SHPK: variants seen among roughly 807,000 people sequenced by gnomAD.
The protein encoded by SHPK is carbohydrate kinase-like protein.
A neutral mutation model predicts 46.3 loss-of-function variants in SHPK; 51 were observed. That is an observed-to-expected ratio of 1.10 (90% CI 0.88 to 1.39). SHPK has a LOEUF of 1.39. SHPK is among the 40% of genes most tolerant of loss of function. The pLI is 0.00. For synonymous variants in SHPK, 290 were observed against 273.9 expected (o/e 1.06, Z -0.58); for missense variants, 668 against 641.3 (o/e 1.04, Z -0.45).
chr17:3,631,559 A>C (rs1251887181), intron 1 of SHPK, among the ~76,000 whole-genome samples: 1 of 100,748 alleles, frequency 9.9e-6, no homozygotes, highest in African/African-American at 4.1e-5. Flanking sequence ...GTCTCTCTCT[A>C]TTGCTCAGGC....
In SHPK at chr17:3,624,140, G is replaced by A. The variant is rs769694025; in HGVS notation, c.402C>T (p.Ser134=). Residue 134 remains serine (S), a synonymous_variant, in exon 3 of 7, where the codon AGC becomes AGT. Transcript: ENST00000225519. ...LVTWQDGRCS[S]EFLASLPQPK... ...GCTGGGGCAGAGAGGCCAGGAATTC[G>A]CTGCTACATCGGCCATCCTGCCACG... 12 of 1,614,030 alleles carry A rather than the reference G, an allele frequency of 7.4e-6. No homozygotes were observed. The highest frequency in any genetic ancestry group is 6.7e-5 in the East Asian group (3 of 44,902).
rs941384180 is a variant in SHPK, at chr17:3,630,093, C to T, written c.310+112G>A. ...TATTCGTCCACTCCAAGAAACAAGACCCTATTCCCACTGCAGGATAACCCG... is the reference window on the plus strand; with the variant it reads ...TATTCGTCCACTCCAAGAAACAAGATCCTATTCCCACTGCAGGATAACCCG... On this transcript the variant is annotated intron_variant, in intron 2 of 6. Coordinates refer to ENST00000225519, the MANE Select transcript of SHPK (RefSeq NM_013276.4). 4 of 1,343,586 alleles carry T rather than the reference C, an allele frequency of 3.0e-6. No homozygotes were observed. The South Asian group carries it at 4.7e-5, about 16-fold the overall frequency. 83.2% of individuals were successfully genotyped at this position (1,343,586 alleles called of 1,614,324 possible).
Position 3,610,888 on chromosome 17 carries a change from G to A in SHPK, c.1109C>T (p.Pro370Leu), listed in dbSNP as rs768397739. ...QQRDTHLTIT[P>L]TVLGERHLPD... ...CAGGTGCCTCTCCCCCAGCACTGTC[G>A]GGGTGATGGTCAGGTGGGTATCTCT... Residue 370 changes from proline (P) to leucine (L), a missense_variant, in exon 7 of 7, where the codon CCG (proline) becomes CTG (leucine). Transcript: ENST00000225519. The A allele has an allele frequency of 3.2e-5, 52 of 1,613,844 alleles. No individual in the cohort carries two copies. Among genetic ancestry groups the A allele is most frequent in the Non-Finnish European group, 4.0e-5 (47 of 1,179,984 alleles).
chr17:3,635,931 G>A, intron 1 of SHPK, 121 bp downstream of exon 1: 1 of 1,012,152 alleles, frequency 9.9e-7, no homozygotes, highest in South Asian at 1.7e-5. Context: ...CCCTGGAGAA[G>A]CTGGGGACAA....
chr17:3,635,304 C>G (rs1445498525), intron 1 of SHPK, among the ~76,000 whole-genome samples: 1 of 151,114 alleles, frequency 6.6e-6, no homozygotes, highest in Non-Finnish European at 1.5e-5. Context: ...GGAGCGATCT[C>G]GACTCACTGC....
Position 3,610,316 on chromosome 17 carries a change from T to G in SHPK, c.*244A>C. On this transcript the variant is annotated 3_prime_UTR_variant, in exon 7 of 7. Coordinates refer to ENST00000225519, the MANE Select transcript of SHPK (RefSeq NM_013276.4). ...ATGCTCTCTCTCTCCCACATGGACA[T>G]TTGTAAATAGCTCCCAGGTGGGTCA... 1.0e-5 allele frequency: 5 copies of G among 495,996 alleles called. No individual in the cohort carries two copies. The highest frequency in any genetic ancestry group is 3.4e-5 in the East Asian group (1 of 29,372). The allele number at this position is 495,996 out of a possible 1,614,324, so 30.7% of individuals were successfully genotyped here.
intron 2 of SHPK, among the ~76,000 whole-genome samples, chr17:3,626,958 C>T (rs1292443410): frequency 6.6e-6 from 1 of 152,108 alleles, no homozygotes; most frequent in East Asian, 1.9e-4. Context: ...CTCGACATTA[C>T]GGAACATTTT....
chr17:3,619,312 G>C, intron 5 of SHPK: 1 of 1,022,684 alleles, frequency 9.8e-7, no homozygotes, highest in Non-Finnish European at 1.5e-6. Flanking sequence ...CTTTTGATCA[G>C]TCCACCACAG....
intron 5 of SHPK, among the ~76,000 whole-genome samples, chr17:3,618,180 C>T (rs2075379186): frequency 6.6e-6 from 1 of 152,086 alleles, no homozygotes; most frequent in Non-Finnish European, 1.5e-5. Context: ...GATCTCAGCT[C>T]ACAGCAACTT....
chr17:3,629,987 G>A (rs2075460476), intron 2 of SHPK, among the ~76,000 whole-genome samples: 1 of 152,128 alleles, frequency 6.6e-6, no homozygotes, highest in Admixed American at 6.6e-5. Flanking sequence ...CGTGGATAAC[G>A]TGCTGATGAT....
At chr17:3,624,357 A>G (rs1424507642) in intron 2 of SHPK, 126 bp from the exon 3 acceptor site, 11 of 865,222 alleles carry the variant, frequency 1.3e-5, no homozygotes, top group African/African-American at 1.7e-5. Context: ...AGCCTGGCAC[A>G]CCTATGGGTC....
chr17:3,630,447 A>G (rs1427567872), intron 1 of SHPK, 101 bp from the exon 2 acceptor site: 3 of 1,242,542 alleles, frequency 2.4e-6, no homozygotes, highest in South Asian at 1.5e-5. Flanking sequence ...AGTGGGCAGC[A>G]TCCACTCCCT....
intron 4 of SHPK, among the ~76,000 whole-genome samples, chr17:3,623,001 G>A (rs943609605): frequency 7.9e-5 from 12 of 152,208 alleles, no homozygotes; most frequent in African/African-American, 2.9e-4. Flanking sequence ...CACCGCGCCT[G>A]GCTCTCTAAG....
intron 1 of SHPK, among the ~76,000 whole-genome samples, chr17:3,630,804 C>A (rs370665753): frequency 2.0e-5 from 3 of 152,058 alleles, no homozygotes; most frequent in Middle Eastern, 3.2e-3. Context: ...GCGGAGGTTG[C>A]GGTGAGCCGA....
At chr17:3,627,501 T>C (rs1416931247) in intron 2 of SHPK, among the ~76,000 whole-genome samples, 1 of 152,128 alleles carries the variant, frequency 6.6e-6, no homozygotes, top group Admixed American at 6.6e-5. Flanking sequence ...TTATAGGTTG[T>C]AGGTAGGAAA....
intron 6 of SHPK, among the ~76,000 whole-genome samples, chr17:3,611,841 C>A (rs1386662273): frequency 1.4e-5 from 2 of 143,884 alleles, no homozygotes; most frequent in African/African-American, 5.2e-5. Flanking sequence ...GCTGTGTCAC[C>A]CAGGCTGGAG....
intron 1 of SHPK, among the ~76,000 whole-genome samples, chr17:3,634,027 G>C (rs1261814873): frequency 6.7e-6 from 1 of 149,430 alleles, no homozygotes; most frequent in Non-Finnish European, 1.5e-5. Context: ...ATGGATTAAG[G>C]GCGGTGCAAG....
At chr17:3,613,959 A>G (rs574147046) in intron 6 of SHPK, among the ~76,000 whole-genome samples, 3 of 152,326 alleles carry the variant, frequency 2.0e-5, no homozygotes, top group South Asian at 4.1e-4. Context: ...AGGAAGGTGC[A>G]TACCAGCTGG....
At chr17:3,618,781 A>C (rs1421382172) in intron 5 of SHPK, among the ~76,000 whole-genome samples, 2 of 132,666 alleles carry the variant, frequency 1.5e-5, no homozygotes, top group African/African-American at 6.2e-5. Context: ...CTCCATCTCA[A>C]AAAAAAAAAA....
Sources: gnomAD v4.1 joint callset for allele counts (sites outside exome capture counted in the v4.1 genomes callset) on GRCh38, gnomAD v4.1.1 for gene constraint, MANE v1.5 for transcripts, NCBI Gene and HGNC (gene_info 2026-07-23, HGNC 2026-07-21) for gene names.